The following THRB variants were observed in gnomAD, a reference collection of about 807,000 sequenced individuals.
THRB encodes the protein nuclear receptor subfamily 1 group A member 2.
A neutral mutation model predicts 47.8 loss-of-function variants in THRB; 12 were observed. The observed-to-expected ratio is 0.25, with a 90% CI of 0.16 to 0.41. The LOEUF is 0.41. THRB is among the 10% of genes least tolerant of loss of function. The pLI, the probability that THRB is intolerant of heterozygous loss-of-function variation, is 1.00. For missense variants in THRB, 348 were observed against 589.2 expected (o/e 0.59, Z 4.24); for synonymous variants, 218 against 212.2 (o/e 1.03, Z -0.24).
intron 1 of THRB, among the ~76,000 whole-genome samples, chr3:24,457,812 T>TTC (rs2073330600): frequency 6.6e-6 from 1 of 152,208 alleles, no homozygotes; most frequent in Non-Finnish European, 1.5e-5. Context: ...AGCCCTGCAC[T>TTC]TCTCTGAAAC....
chr3:24,253,928 G>A (rs57339926), intron 3 of THRB, among the ~76,000 whole-genome samples: 2,315 of 151,460 alleles, frequency 0.015, 62 homozygotes, highest in African/African-American at 0.052. Context: ...CTCACCGAGA[G>A]AGAACCAGTT....
chr3:24,331,827 T>C (rs1361071151), intron 2 of THRB, among the ~76,000 whole-genome samples: 2 of 152,170 alleles, frequency 1.3e-5, no homozygotes, highest in Non-Finnish European at 2.9e-5. Context: ...ATGTCACTAA[T>C]ACCGAGCTTA....
intron 3 of THRB, among the ~76,000 whole-genome samples, chr3:24,236,712 C>CT (rs1218228146): frequency 2.0e-5 from 3 of 152,134 alleles, no homozygotes; most frequent in Non-Finnish European, 4.4e-5. Context: ...AAATTTTTCC[C>CT]TTTCAAGGTT....
intron 5 of THRB, among the ~76,000 whole-genome samples, chr3:24,166,025 G>C (rs946021880): frequency 6.6e-6 from 1 of 152,170 alleles, no homozygotes; most frequent in African/African-American, 2.4e-5. Context: ...GAATGTTACT[G>C]ACTGGGTTTT....
At chr3:24,387,551 C>T (rs1278175113) in intron 1 of THRB, among the ~76,000 whole-genome samples, 1 of 152,190 alleles carries the variant, frequency 6.6e-6, no homozygotes, top group African/African-American at 2.4e-5. Flanking sequence ...GCTTATTCAT[C>T]TGCATTACCA....
intron 1 of THRB, among the ~76,000 whole-genome samples, chr3:24,446,444 C>A (rs1279469767): frequency 1.3e-5 from 2 of 151,604 alleles, no homozygotes; most frequent in Non-Finnish European, 2.9e-5. Flanking sequence ...GGAGAGAGGT[C>A]AGTATGCTGG....
At chr3:24,163,751 C>T (rs768375497) in intron 5 of THRB, among the ~76,000 whole-genome samples, 7 of 151,802 alleles carry the variant, frequency 4.6e-5, no homozygotes, top group Non-Finnish European at 8.8e-5. Context: ...AAATAAAAAT[C>T]AAGATGAGAA....
Position 24,454,781 on chromosome 3 carries a change from A to C in THRB, c.-261+39871T>G, listed in dbSNP as rs142409599. On this transcript the variant is annotated intron_variant, in intron 1 of 10. Transcript: ENST00000646209. ...AAGATGTATAGAATTTTAGCATGGGACAAGATATAAGAGATAATGTAGTCT... is the reference window on the plus strand; with the variant it reads ...AAGATGTATAGAATTTTAGCATGGGCCAAGATATAAGAGATAATGTAGTCT... Among the ~76,000 whole-genome samples the C allele has an allele frequency of 2.6e-5, 4 of 152,308 alleles. No individual in the cohort carries two copies. The East Asian group carries it at 7.7e-4, about 29-fold the overall frequency.
chr3:24,275,177 C>A (rs367855824), intron 3 of THRB, among the ~76,000 whole-genome samples: 2 of 152,056 alleles, frequency 1.3e-5, no homozygotes, highest in Non-Finnish European at 2.9e-5. Context: ...TTTTTAAATT[C>A]ACACAAGGAT....
chr3:24,191,991 C>T (rs1248661109), intron 4 of THRB, among the ~76,000 whole-genome samples: 1 of 152,120 alleles, frequency 6.6e-6, no homozygotes, highest in East Asian at 1.9e-4. Flanking sequence ...TCACTGTATG[C>T]AAAGGGCTGT....
intron 5 of THRB, among the ~76,000 whole-genome samples, chr3:24,186,972 T>A (rs1356427441): frequency 6.0e-5 from 8 of 134,394 alleles, no homozygotes; most frequent in Admixed American, 1.5e-4. Context: ...AAAAAAGCAG[T>A]ATTCAGAACA....
At chr3:24,244,613 A>G (rs1316175721) in intron 3 of THRB, among the ~76,000 whole-genome samples, 1 of 152,164 alleles carries the variant, frequency 6.6e-6, no homozygotes, top group African/African-American at 2.4e-5. Context: ...CTTTGTATGA[A>G]ACTGAACTTT....
chr3:24,351,712 G>A (rs963294653), intron 1 of THRB, among the ~76,000 whole-genome samples: 9 of 152,104 alleles, frequency 5.9e-5, no homozygotes, highest in African/African-American at 2.2e-4. Context: ...GGAGAGAAAA[G>A]GTCATCCCAA....
intron 1 of THRB, among the ~76,000 whole-genome samples, chr3:24,449,763 C>T (rs557210384): frequency 6.6e-5 from 10 of 152,204 alleles, no homozygotes; most frequent in African/African-American, 2.4e-4. Flanking sequence ...TAGTGAAAAG[C>T]TTTTCTGTGC....
intron 3 of THRB, among the ~76,000 whole-genome samples, chr3:24,258,119 T>G (rs1455846659): frequency 2.0e-5 from 3 of 151,914 alleles, no homozygotes; most frequent in African/African-American, 7.3e-5. Flanking sequence ...GGGAGGAGAA[T>G]GAGGTGAAAG....
chr3:24,479,933 C>G (rs1479875464), intron 1 of THRB, among the ~76,000 whole-genome samples: 1 of 152,178 alleles, frequency 6.6e-6, no homozygotes, highest in African/African-American at 2.4e-5. Flanking sequence ...AAGGCAGTCC[C>G]CAACAAATGC....
chr3:24,285,711 A>G (rs982778497), intron 3 of THRB, among the ~76,000 whole-genome samples: 32 of 152,192 alleles, frequency 2.1e-4, no homozygotes, highest in Non-Finnish European at 3.8e-4. Flanking sequence ...ATGCCCAAGA[A>G]AACAGTGCTT....
At chr3:24,187,790 CTG>C (rs2042789602) in intron 5 of THRB, among the ~76,000 whole-genome samples, 1 of 152,186 alleles carries the variant, frequency 6.6e-6, no homozygotes, top group African/African-American at 2.4e-5. Flanking sequence ...TAAGGAAAGA[CTG>C]TATAATCTTG....
intron 4 of THRB, among the ~76,000 whole-genome samples, chr3:24,208,161 G>A (rs933922425): frequency 1.3e-5 from 2 of 151,840 alleles, no homozygotes; most frequent in African/African-American, 2.4e-5. Flanking sequence ...ACCTCTTCAG[G>A]GAGAACTACA....
Sources: allele counts gnomAD v4.1 joint callset (sites outside exome capture counted in the v4.1 genomes callset), GRCh38; gene constraint gnomAD v4.1.1; transcripts MANE v1.5; gene names NCBI Gene and HGNC (gene_info 2026-07-23, HGNC 2026-07-21).